PCDH11X: variants seen among roughly 807,000 people sequenced by gnomAD.
The protein encoded by PCDH11X is protocadherin 11 X-linked, also known as protocadherin-11 X-linked.
In PCDH11X, 18 loss-of-function variants were observed where a neutral mutation model predicts 53.3. The ratio of observed to expected loss-of-function variants is 0.34; its 90% CI spans 0.23 to 0.50. The LOEUF is 0.50. Ranked by LOEUF, PCDH11X falls within the 20% of genes least tolerant of loss-of-function variation. PCDH11X has a pLI of 0.98. For missense variants in PCDH11X, 570 were observed against 1,032.4 expected (o/e 0.55, Z 6.14); for synonymous variants, 279 against 393.3 (o/e 0.71, Z 3.44).
intron 8 of PCDH11X, among the ~76,000 whole-genome samples, chrX:92,310,026 T>C (rs914606680): frequency 2.0e-4 from 23 of 112,439 alleles, no homozygotes; most frequent in African/African-American, 7.4e-4. Context: ...TTTCCTTCAG[T>C]TTAACCATCG....
intron 6 of PCDH11X, among the ~76,000 whole-genome samples, chrX:92,168,243 C>G (rs1275487195): frequency 3.7e-5 from 4 of 107,103 alleles, no homozygotes; most frequent in Non-Finnish European, 7.7e-5. Context: ...CCACCACACC[C>G]AGCTGACAAT....
At chrX:92,484,293 A>ATG (rs1454598442) in intron 10 of PCDH11X, among the ~76,000 whole-genome samples, 1 of 102,285 alleles carries the variant, frequency 9.8e-6, no homozygotes, top group Non-Finnish European at 2.0e-5. Flanking sequence ...ATGTATATAT[A>ATG]TGTGTGTGTA....
At chrX:91,828,666 C>T (rs1488555843) in intron 4 of PCDH11X, among the ~76,000 whole-genome samples, 4 of 111,232 alleles carry the variant, frequency 3.6e-5, no homozygotes, top group African/African-American at 9.8e-5. Context: ...TAAACCAAGT[C>T]GTAAGATTGG....
At chrX:92,315,648 A>G (rs754798112) in intron 8 of PCDH11X, among the ~76,000 whole-genome samples, 120 of 109,282 alleles carry the variant, frequency 1.1e-3, no homozygotes, top group African/African-American at 3.6e-3. Context: ...ACGATCCTCA[A>G]CATCATCCTC....
intron 8 of PCDH11X, among the ~76,000 whole-genome samples, chrX:92,322,169 A>C (rs185169952): frequency 5.4e-4 from 60 of 110,144 alleles, no homozygotes; most frequent in African/African-American, 1.8e-3. Context: ...CAAGAAACAA[A>C]GAGTACTAAA....
intron 10 of PCDH11X, among the ~76,000 whole-genome samples, chrX:92,495,762 G>T (rs1318296878): frequency 9.7e-6 from 1 of 103,260 alleles, no homozygotes; most frequent in Non-Finnish European, 1.9e-5. Flanking sequence ...CATGGCAGCA[G>T]CAAGAGAAAA....
intron 6 of PCDH11X, among the ~76,000 whole-genome samples, chrX:91,931,331 C>T (rs947775174): frequency 3.0e-4 from 33 of 110,812 alleles, no homozygotes; most frequent in Non-Finnish European, 5.9e-4. Context: ...TTATGAAAGG[C>T]AAATTAATTA....
rs2754915 is a variant in PCDH11X, at chrX:92,395,348, G to A, written c.3343+7415G>A. Reference sequence around the variant, plus strand: ...ATAAAAATATTTGAACATTGAATACGAATTTTTATTGCGGTAATTCTTTGT... The same window carrying A: ...ATAAAAATATTTGAACATTGAATACAAATTTTTATTGCGGTAATTCTTTGT... On this transcript the variant is annotated intron_variant, in intron 9 of 10. Coordinates refer to ENST00000682573, the MANE Select transcript of PCDH11X (RefSeq NM_032968.5). Among the ~76,000 whole-genome samples, 6 of 111,171 alleles carry A rather than the reference G, an allele frequency of 5.4e-5. 1 individual carries two copies. The highest frequency in any genetic ancestry group is 1.1e-4 in the Non-Finnish European group (6 of 52,887).
At chrX:92,049,887 C>T (rs1275119414) in intron 6 of PCDH11X, among the ~76,000 whole-genome samples, 1 of 111,413 alleles carries the variant, frequency 9.0e-6, no homozygotes, top group Non-Finnish European at 1.9e-5. Context: ...GATTCTCCTG[C>T]CTCAGCCTCC....
chrX:92,403,339 G>GTTTTTTTTTTTTTTTTTTT (rs1191277649), intron 9 of PCDH11X, among the ~76,000 whole-genome samples: 13 of 49,348 alleles, frequency 2.6e-4, no homozygotes, highest in African/African-American at 4.2e-4. Flanking sequence ...GTTTTTTTTT[G>GTTTTTTTTTTTTTTTTTTT]TTTTTTTTTT....
At chrX:91,916,435 C>T (rs1193449456) in intron 6 of PCDH11X, among the ~76,000 whole-genome samples, 1 of 111,082 alleles carries the variant, frequency 9.0e-6, no homozygotes, top group Non-Finnish European at 1.9e-5. Flanking sequence ...TGAGATTAAC[C>T]AAGAAAAGAA....
chrX:92,434,710 C>T (rs2072329780), intron 9 of PCDH11X, among the ~76,000 whole-genome samples: 1 of 107,294 alleles, frequency 9.3e-6, no homozygotes, highest in Non-Finnish European at 1.9e-5. Context: ...TTTGTAGAGA[C>T]AGATGTATTA....
chrX:92,286,067 C>T (rs369261959), intron 8 of PCDH11X, among the ~76,000 whole-genome samples: 47 of 111,386 alleles, frequency 4.2e-4, no homozygotes, highest in African/African-American at 1.3e-3. Flanking sequence ...GCCCTCATTC[C>T]GGTAAACCCA....
At chrX:92,394,549 T>C (rs2148581140) in intron 9 of PCDH11X, among the ~76,000 whole-genome samples, 1 of 110,942 alleles carries the variant, frequency 9.0e-6, no homozygotes, top group East Asian at 2.8e-4. Context: ...CATTTAACAT[T>C]TGTGTTTCTA....
chrX:92,096,438 A>ATGTG lies in PCDH11X; in HGVS notation c.3034-104903_3034-104900dup, dbSNP rs10591250. Among the ~76,000 whole-genome samples the ATGTG allele has an allele frequency of 7.7e-3, 728 of 94,352 alleles. 5 individuals are homozygous for ATGTG. Among genetic ancestry groups the ATGTG allele is most frequent in the South Asian group, 0.016 (29 of 1,770 alleles). The allele number at this position is 94,352 out of a possible 115,157, so 81.9% of individuals were successfully genotyped here. On this transcript the variant is annotated intron_variant, in intron 6 of 10. Coordinates refer to ENST00000682573, the MANE Select transcript of PCDH11X (RefSeq NM_032968.5). ...GGGGCCCTAAGTGGAGTGTATGTGTATGTGTGTGTGTGTGTGTGTGTGTGT... is the reference window on the plus strand; with the variant it reads ...GGGGCCCTAAGTGGAGTGTATGTGTATGTGTGTGTGTGTGTGTGTGTGTGTGTGT...
At chrX:91,903,025 T>C (rs747839655) in intron 6 of PCDH11X, among the ~76,000 whole-genome samples, 1 of 112,042 alleles carries the variant, frequency 8.9e-6, no homozygotes, top group African/African-American at 3.2e-5. Context: ...ATTTTTCCCA[T>C]TTCACTTATG....
intron 7 of PCDH11X, among the ~76,000 whole-genome samples, chrX:92,245,854 A>G (rs1269689287): frequency 8.9e-6 from 1 of 112,061 alleles, no homozygotes; most frequent in East Asian, 2.8e-4. Flanking sequence ...ATATTTGTCA[A>G]TTGTACAATT....
At chrX:92,241,544 C>T (rs1401131434) in intron 7 of PCDH11X, among the ~76,000 whole-genome samples, 1 of 111,418 alleles carries the variant, frequency 9.0e-6, no homozygotes, top group African/African-American at 3.3e-5. Flanking sequence ...AAAAATTGTC[C>T]CTTGTCATTT....
At chrX:91,980,687 G>A (rs1031747116) in intron 6 of PCDH11X, among the ~76,000 whole-genome samples, 4 of 106,184 alleles carry the variant, frequency 3.8e-5, no homozygotes, top group Non-Finnish European at 5.8e-5. Context: ...ATCCCGCTGC[G>A]CCCTCCCAAA....
Sources: allele counts gnomAD v4.1 joint callset (sites outside exome capture counted in the v4.1 genomes callset), GRCh38; gene constraint gnomAD v4.1.1; transcripts MANE v1.5; gene names NCBI Gene and HGNC (gene_info 2026-07-23, HGNC 2026-07-21).